Variants in TACR1 observed in about 807,000 individuals in gnomAD.
The protein encoded by TACR1 is tachykinin receptor 1, also known as substance-P receptor.
Under a neutral mutation model 35.8 loss-of-function variants are expected in TACR1, and 25 were observed. The observed-to-expected ratio is 0.70, with a 90% CI of 0.51 to 0.98. The LOEUF is 0.98. Among genes scored for constraint, TACR1 ranks in the 50% least tolerant of loss-of-function variants. TACR1 has a pLI of 0.00. For synonymous variants in TACR1, 195 were observed against 206.7 expected, an observed-to-expected ratio of 0.94 and a Z score of 0.48; for missense variants, 478 against 522.9, an observed-to-expected ratio of 0.91 and a Z score of 0.84.
At position 75,047,549 on chromosome 2, in the gene TACR1, C is replaced by G. The variant is rs1160469240; in HGVS notation, c.*1883G>C. ...CATCTTCTCAGGTACTTCTCATAAT[C>G]ATGTTAGCTCTTTACATTCTTCCAA... On this transcript the variant is annotated 3_prime_UTR_variant, in exon 5 of 5. Coordinates refer to ENST00000305249, the MANE Select transcript of TACR1 (RefSeq NM_001058.4). 2.6e-5 allele frequency: 4 copies of G among 152,250 alleles called. No homozygotes were observed. Among genetic ancestry groups the G allele is most frequent in the Admixed American group, 6.5e-5 (1 of 15,292 alleles). The allele number at this position is 152,250 out of a possible 1,614,324, so 9.4% of individuals were successfully genotyped here. A position where few individuals can be genotyped will look rare whatever the true frequency, so the allele number is the denominator to read the frequency against.
chr2:75,085,703 G>T (rs994501821), intron 2 of TACR1, among the ~76,000 whole-genome samples: 2 of 152,104 alleles, frequency 1.3e-5, no homozygotes, highest in Non-Finnish European at 2.9e-5. Flanking sequence ...GGTAATAACG[G>T]TGACCTGGCT....
At chr2:75,143,864 C>T (rs1572954714) in intron 1 of TACR1, among the ~76,000 whole-genome samples, 1 of 152,124 alleles carries the variant, frequency 6.6e-6, no homozygotes, top group Non-Finnish European at 1.5e-5. Context: ...GAGCCCACTG[C>T]CCCCAATTCT....
chr2:75,137,750 A>T (rs1439202706), intron 1 of TACR1, among the ~76,000 whole-genome samples: 1 of 149,280 alleles, frequency 6.7e-6, no homozygotes, highest in Non-Finnish European at 1.5e-5. Context: ...AAAAAAAAAA[A>T]AAAAAAGAAA....
intron 2 of TACR1, among the ~76,000 whole-genome samples, chr2:75,084,991 G>C (rs994863805): frequency 1.4e-4 from 22 of 151,976 alleles, no homozygotes; most frequent in African/African-American, 5.1e-4. Flanking sequence ...GTTTGCTCTT[G>C]CTTCTCTAGT....
At chr2:75,092,678 C>T (rs1673334694) in intron 2 of TACR1, among the ~76,000 whole-genome samples, 2 of 152,220 alleles carry the variant, frequency 1.3e-5, no homozygotes, top group East Asian at 3.9e-4. Flanking sequence ...TCACTCTACA[C>T]TGGTTGAGTG....
At chr2:75,079,718 T>C (rs1673045033) in intron 2 of TACR1, among the ~76,000 whole-genome samples, 1 of 151,332 alleles carries the variant, frequency 6.6e-6, no homozygotes, top group African/African-American at 2.4e-5. Context: ...GTCCAAACTG[T>C]GCATCTAAAC....
chr2:75,195,392 T>A (rs1188396664), intron 1 of TACR1, among the ~76,000 whole-genome samples: 1 of 132,252 alleles, frequency 7.6e-6, no homozygotes, highest in Admixed American at 7.0e-5. Context: ...TCTCCTACCT[T>A]CCCTTCCTTT....
At position 75,102,281 on chromosome 2, in the gene TACR1, G is replaced by C. The variant is rs531155170; in HGVS notation, c.584+18293C>G. ...ATATGAGACACTCCCACAGAATTCA[G>C]TTGAGCTGGCACAAACCAGAGCAGC... On this transcript the variant is annotated intron_variant, in intron 2 of 4. Transcript: ENST00000305249. Among the ~76,000 whole-genome samples, 4 of 152,314 alleles carry C rather than the reference G, an allele frequency of 2.6e-5. No homozygotes were observed. The East Asian group carries it at 7.7e-4, about 29-fold the overall frequency.
At chr2:75,184,777 A>C (rs1260641387) in intron 1 of TACR1, among the ~76,000 whole-genome samples, 1 of 151,532 alleles carries the variant, frequency 6.6e-6, no homozygotes, top group Non-Finnish European at 1.5e-5. Flanking sequence ...ATTATGCAAT[A>C]TATAATAAAA....
At chr2:75,082,077 C>A (rs923348599) in intron 2 of TACR1, among the ~76,000 whole-genome samples, 4 of 152,060 alleles carry the variant, frequency 2.6e-5, no homozygotes, top group African/African-American at 4.8e-5. Flanking sequence ...CCACTCCCCG[C>A]ACCCCACAAC....
chr2:75,121,805 G>A (rs1426749068), intron 1 of TACR1, among the ~76,000 whole-genome samples: 1 of 152,146 alleles, frequency 6.6e-6, no homozygotes, highest in East Asian at 1.9e-4. Flanking sequence ...CAAAACCTCA[G>A]AATCACACAT....
At position 75,046,826 on chromosome 2, in the gene TACR1, T is replaced by G. The variant is rs1672377534; in HGVS notation, c.*2606A>C. 6.6e-6 allele frequency: 1 copy of G among 152,182 alleles called. No individual in the cohort carries two copies. Among genetic ancestry groups the G allele is most frequent in the Admixed American group, 6.5e-5 (1 of 15,282 alleles). The allele number at this position is 152,182 out of a possible 1,614,324, so 9.4% of individuals were successfully genotyped here. On this transcript the variant is annotated 3_prime_UTR_variant, in exon 5 of 5. Coordinates refer to ENST00000305249, the MANE Select transcript of TACR1 (RefSeq NM_001058.4). Reference sequence around the variant, plus strand: ...GATTCACACAATACAAATATCACAGTGACAGCAATGAGATCTCACATTTTG... The same window carrying G: ...GATTCACACAATACAAATATCACAGGGACAGCAATGAGATCTCACATTTTG...
chr2:75,148,199 T>C (rs1023061297), intron 1 of TACR1, among the ~76,000 whole-genome samples: 11 of 152,340 alleles, frequency 7.2e-5, no homozygotes, highest in African/African-American at 1.2e-4. Flanking sequence ...TGTATCTTTA[T>C]AGTAGAATGA....
intron 1 of TACR1, among the ~76,000 whole-genome samples, chr2:75,131,113 CAG>C (rs1216560347): frequency 6.7e-6 from 1 of 148,210 alleles, no homozygotes. Context: ...TTTTTTGAGA[CAG>C]AGTCTCTCTG....
chr2:75,141,599 A>G (rs1674408703), intron 1 of TACR1, among the ~76,000 whole-genome samples: 1 of 152,024 alleles, frequency 6.6e-6, no homozygotes, highest in Non-Finnish European at 1.5e-5. Flanking sequence ...TAGTGAGAGA[A>G]GGTACCAAGC....
At chr2:75,147,913 T>G (rs1674551486) in intron 1 of TACR1, among the ~76,000 whole-genome samples, 1 of 151,528 alleles carries the variant, frequency 6.6e-6, no homozygotes, top group Non-Finnish European at 1.5e-5. Flanking sequence ...CCTGGCTAAT[T>G]TTTTGTATTT....
In TACR1 at chr2:75,113,402, C is replaced by G. The variant is rs376459886; in HGVS notation, c.584+7172G>C. Among the ~76,000 whole-genome samples the G allele has an allele frequency of 2.1e-4, 32 of 152,246 alleles. 1 individual carries two copies. Among genetic ancestry groups the G allele is most frequent in the African/African-American group, 7.0e-4 (29 of 41,550 alleles). ...ATTGGTATGTAGAGGCCATAAAGCA[C>G]TTGGTGGCTGCCTCCTGTTTGGCGC... On this transcript the variant is annotated intron_variant, in intron 2 of 4. Coordinates refer to ENST00000305249, the MANE Select transcript of TACR1 (RefSeq NM_001058.4).
At chr2:75,146,270 G>T (rs1202601685) in intron 1 of TACR1, among the ~76,000 whole-genome samples, 1 of 152,088 alleles carries the variant, frequency 6.6e-6, no homozygotes, top group African/African-American at 2.4e-5. Flanking sequence ...TTACAGGCAT[G>T]TGCCACTATG....
intron 2 of TACR1, among the ~76,000 whole-genome samples, chr2:75,055,264 C>A (rs1178269607): frequency 6.6e-6 from 1 of 152,260 alleles, no homozygotes; most frequent in African/African-American, 2.4e-5. Flanking sequence ...AGTCCCTCTG[C>A]ATATCAAATT....
Sources: allele counts gnomAD v4.1 joint callset (sites outside exome capture counted in the v4.1 genomes callset), GRCh38; gene constraint gnomAD v4.1.1; transcripts MANE v1.5; gene names NCBI Gene and HGNC (gene_info 2026-07-23, HGNC 2026-07-21).